Variants in NEBL observed in about 807,000 individuals in gnomAD.
NEBL encodes the protein nebulette, also known as LIM and SH3 protein 2.
NEBL carries 122 observed loss-of-function variants against 140.2 expected under a neutral mutation model. That is an observed-to-expected ratio of 0.87 (90% confidence interval 0.75 to 1.01). The LOEUF is 1.01. Among genes scored for constraint, NEBL ranks in the 50% least tolerant of loss-of-function variants. The pLI, the probability that NEBL is intolerant of heterozygous loss-of-function variation, is 0.00. For missense variants in NEBL, 1,365 were observed against 1,231.3 expected, an observed-to-expected ratio of 1.11 and a Z score of -1.62; for synonymous variants, 436 against 398.9, an observed-to-expected ratio of 1.09 and a Z score of -1.11.
chr10:20,837,477 G>A (rs773501902), intron 13 of NEBL, among the ~76,000 whole-genome samples: 12 of 152,214 alleles, frequency 7.9e-5, no homozygotes, highest in Non-Finnish European at 1.8e-4. Flanking sequence ...ACTAGCAGAG[G>A]TTGGTTCATG....
At chr10:20,814,628 A>ACACACACACACG (rs1423566939) in intron 22 of NEBL, among the ~76,000 whole-genome samples, 2 of 149,666 alleles carry the variant, frequency 1.3e-5, no homozygotes, top group Non-Finnish European at 2.9e-5. Flanking sequence ...ACACACACAC[A>ACACACACACACG]CACACACACA....
In NEBL at chr10:20,889,852, A is replaced by G; in HGVS notation, c.251T>C (p.Ile84Thr). 4 of 1,605,204 alleles carry G rather than the reference A, an allele frequency of 2.5e-6. No individual in the cohort carries two copies. Among genetic ancestry groups the G allele is most frequent in the Non-Finnish European group, 3.4e-6 (4 of 1,171,918 alleles). The change falls in exon 3 of 28, where the codon ATT (isoleucine) becomes ACT (threonine). Residue 84 changes from isoleucine to threonine, a missense_variant. Around this residue, in one of 2 missense-constraint regions of NEBL, gnomAD observed 1,323 missense variants for 1,154.8 expected, o/e 1.15. Transcript: ENST00000377122. ...LNHVKNIGAF[I>T]SEAKYKGTIK... ...AAGCTTTTGATACCTTACCTCAGAA[A>G]TAAAAGCACCGATATTTTTTACATG...
At chr10:20,992,905 G>T (rs182124589) in intron 3 of NEBL, among the ~76,000 whole-genome samples, 1,635 of 146,884 alleles carry the variant, frequency 0.011, 25 homozygotes, top group African/African-American at 0.039. Flanking sequence ...AGCCTCCCCA[G>T]TAGCTGGGAC....
At chr10:21,062,315 G>T (rs1835339354) in intron 2 of NEBL, among the ~76,000 whole-genome samples, 1 of 152,022 alleles carries the variant, frequency 6.6e-6, no homozygotes, top group South Asian at 2.1e-4. Flanking sequence ...GAGGTAGAAA[G>T]AGATGATATT....
intron 2 of NEBL, among the ~76,000 whole-genome samples, chr10:21,159,806 A>G (rs530653656): frequency 6.6e-6 from 1 of 152,304 alleles, no homozygotes; most frequent in African/African-American, 2.4e-5. Context: ...CTCCACTGTC[A>G]CAATTTAATC....
chr10:21,172,587 T>C (rs997141343), intron 1 of NEBL: 1 of 769,216 alleles, frequency 1.3e-6, no homozygotes, highest in South Asian at 1.6e-5. Context: ...GCTGAAAATA[T>C]TACAACAAAA....
At chr10:21,149,775 C>T (rs748778415) in intron 2 of NEBL, among the ~76,000 whole-genome samples, 4 of 152,272 alleles carry the variant, frequency 2.6e-5, no homozygotes, top group South Asian at 2.1e-4. Context: ...GTGACGGGGG[C>T]GGTCTTGTAG....
chr10:21,133,773 C>T (rs999832415), intron 2 of NEBL, among the ~76,000 whole-genome samples: 1 of 152,016 alleles, frequency 6.6e-6, no homozygotes, highest in African/African-American at 2.4e-5. Flanking sequence ...GGTGATGTGG[C>T]TGTCATGATG....
At chr10:21,046,764 C>T (rs1001230430) in intron 2 of NEBL, among the ~76,000 whole-genome samples, 1 of 152,068 alleles carries the variant, frequency 6.6e-6, no homozygotes, top group African/African-American at 2.4e-5. Flanking sequence ...CCACGCCCGA[C>T]TAATTTTTTT....
At chr10:21,060,354 A>G (rs1324380327) in intron 2 of NEBL, among the ~76,000 whole-genome samples, 25 of 152,210 alleles carry the variant, frequency 1.6e-4, no homozygotes, top group Non-Finnish European at 4.4e-5. Context: ...TAATGGGGTA[A>G]AAGTCATCAC....
rs116592455 is a variant in NEBL, at chr10:20,999,319, G to A, written c.249+20798C>T. The stretch of plus-strand genomic sequence containing the variant: ...CCCCACAAGAAATACAAGCCAGGCT[G>A]GATGCAGTGGCTCACGCCTGTAATC... On this transcript the variant is annotated intron_variant, in intron 3 of 6. Transcript: ENST00000417816. 6.4e-3 allele frequency among the ~76,000 whole-genome samples: 968 copies of A among 152,320 alleles called. 8 individuals carry two copies. The highest frequency in any genetic ancestry group is 0.022 in the African/African-American group (922 of 41,570).
chr10:20,939,290 A>C (rs908514499), intron 4 of NEBL, among the ~76,000 whole-genome samples: 13 of 152,220 alleles, frequency 8.5e-5, no homozygotes, highest in African/African-American at 3.1e-4. Context: ...CAACATTCTT[A>C]AAGAAAAGAA....
At chr10:20,801,267 C>T (rs1588631616) in intron 26 of NEBL, among the ~76,000 whole-genome samples, 1 of 151,570 alleles carries the variant, frequency 6.6e-6, no homozygotes, top group East Asian at 1.9e-4. Flanking sequence ...GGTTGGAGTG[C>T]AGTGGTGTGA....
chr10:21,167,169 G>A (rs529937405), intron 2 of NEBL, among the ~76,000 whole-genome samples: 5 of 152,314 alleles, frequency 3.3e-5, no homozygotes, highest in East Asian at 3.9e-4. Flanking sequence ...ATTCACGAGA[G>A]GGAATGTGAA....
intron 12 of NEBL, among the ~76,000 whole-genome samples, chr10:20,841,052 G>C (rs1380740604): frequency 1.3e-5 from 2 of 151,954 alleles, no homozygotes; most frequent in African/African-American, 4.8e-5. Context: ...AATATTTTCA[G>C]CCTTTTCCTT....
chr10:21,041,351 A>G (rs1180386005), intron 2 of NEBL, among the ~76,000 whole-genome samples: 3 of 152,196 alleles, frequency 2.0e-5, no homozygotes, highest in African/African-American at 7.2e-5. Flanking sequence ...CAGATGTCCC[A>G]TCAAAAGCTT....
At chr10:21,135,741 G>C (rs907714164) in intron 2 of NEBL, among the ~76,000 whole-genome samples, 5 of 152,006 alleles carry the variant, frequency 3.3e-5, no homozygotes, top group Non-Finnish European at 5.9e-5. Flanking sequence ...TACAGGGAGG[G>C]GACTCACCAT....
At chr10:20,868,931 C>T (rs573215195) in intron 6 of NEBL, among the ~76,000 whole-genome samples, 166 bp from the exon 7 acceptor site, 3 of 151,952 alleles carry the variant, frequency 2.0e-5, no homozygotes, top group African/African-American at 4.8e-5. Flanking sequence ...TTGATTTTAT[C>T]CTGTGCTTAC....
At chr10:21,136,452 C>A (rs1364944691) in intron 2 of NEBL, among the ~76,000 whole-genome samples, 1 of 152,130 alleles carries the variant, frequency 6.6e-6, no homozygotes, top group East Asian at 1.9e-4. Flanking sequence ...CCTCAGCCTC[C>A]CAAAGGGCTG....
Sources: gnomAD v4.1 joint callset for allele counts (sites outside exome capture counted in the v4.1 genomes callset) on GRCh38, gnomAD v4.1.1 for gene constraint, gnomAD v4.1.1 regional missense constraint, MANE v1.5 for transcripts, NCBI Gene and HGNC (gene_info 2026-07-23, HGNC 2026-07-21) for gene names.